Variants in PEX13 observed in about 807,000 individuals in gnomAD.
PEX13 encodes the protein peroxisomal biogenesis factor 13, also known as peroxisome biogenesis factor 13.
In PEX13, 28 loss-of-function variants were observed where a neutral mutation model predicts 34.5. The observed-to-expected ratio is 0.81, with a 90% CI of 0.60 to 1.11. The LOEUF (loss-of-function observed/expected upper bound fraction) is 1.11. Ranked by LOEUF, PEX13 falls within the 50% of genes most tolerant of loss-of-function variation. The probability of loss-of-function intolerance (pLI) is 0.00; values close to 1 mark genes in which losing one functional copy is unlikely to be tolerated. For missense variants in PEX13, 550 were observed against 491.0 expected (o/e 1.12, Z -1.13); for synonymous variants, 177 against 175.1 (o/e 1.01, Z -0.09).
chr2:61,044,406 A>G (rs1322820408), intron 2 of PEX13, among the ~76,000 whole-genome samples: 4 of 152,110 alleles, frequency 2.6e-5, no homozygotes, highest in Non-Finnish European at 4.4e-5. Flanking sequence ...GTGCCACCAC[A>G]TCTGCCTAAT....
At chr2:61,019,594 AT>A (rs572105090) in intron 1 of PEX13, among the ~76,000 whole-genome samples, 129 of 151,718 alleles carry the variant, frequency 8.5e-4, no homozygotes, top group Admixed American at 1.7e-3. Flanking sequence ...TAAAAATCTA[AT>A]TTTTTTTTCC....
Position 61,048,602 on chromosome 2 carries a change from T to C in PEX13, c.1044T>C (p.Val348=), listed in dbSNP as rs151304822. 2.0e-4 allele frequency: 323 copies of C among 1,614,154 alleles called. 2 individuals carry two copies. The African/African-American group carries it at 3.0e-3, about 15-fold the overall frequency. ...GGAAAACGGTGGAATCAAGTAAAGT[T>C]TCCAAGCAGCAACAATCTTTTACCA... ...KGRKTVESSK[V]SKQQQSFTNP... Residue 348 remains valine (V), a synonymous_variant, in exon 4 of 4, where the codon GTT becomes GTC. Coordinates refer to ENST00000295030, the MANE Select transcript of PEX13 (RefSeq NM_002618.4).
intron 1 of PEX13, among the ~76,000 whole-genome samples, chr2:61,028,958 G>A (rs1680404217): frequency 1.3e-5 from 2 of 152,136 alleles, no homozygotes; most frequent in Admixed American, 1.3e-4. Flanking sequence ...AGAAGTGGAA[G>A]GATTGCTTGA....
At chr2:61,036,716 A>G (rs1422135506) in intron 2 of PEX13, among the ~76,000 whole-genome samples, 1 of 152,216 alleles carries the variant, frequency 6.6e-6, no homozygotes, top group Non-Finnish European at 1.5e-5. Context: ...AACTGCATCA[A>G]TTAACGGGCA....
At chr2:61,023,442 C>G (rs564655812) in intron 1 of PEX13, among the ~76,000 whole-genome samples, 1 of 149,840 alleles carries the variant, frequency 6.7e-6, no homozygotes, top group African/African-American at 2.4e-5. Context: ...TTTTTTTTTT[C>G]TTCCTGCTTA....
chr2:61,030,366 A>T (rs928526533), intron 1 of PEX13, among the ~76,000 whole-genome samples: 3 of 152,182 alleles, frequency 2.0e-5, no homozygotes, highest in African/African-American at 7.2e-5. Flanking sequence ...CAACTGAGAG[A>T]CAAAAAAGCA....
At chr2:61,027,786 T>TA (rs1229752645) in intron 1 of PEX13, among the ~76,000 whole-genome samples, 1 of 152,196 alleles carries the variant, frequency 6.6e-6, no homozygotes, top group African/African-American at 2.4e-5. Flanking sequence ...TTTTCTCTAT[T>TA]ATTGCTTATA....
intron 2 of PEX13, among the ~76,000 whole-genome samples, chr2:61,039,509 A>G (rs1000683394): frequency 3.9e-5 from 6 of 152,234 alleles, no homozygotes; most frequent in Non-Finnish European, 8.8e-5. Context: ...TCCCTATTTA[A>G]TAAATGGTGC....
At chr2:61,030,804 C>T (rs1680437106) in intron 1 of PEX13, among the ~76,000 whole-genome samples, 1 of 152,020 alleles carries the variant, frequency 6.6e-6, no homozygotes, top group South Asian at 2.1e-4. Context: ...TATGAAATGT[C>T]CAGAATAGAC....
chr2:61,051,412 T>C lies in PEX13; in HGVS notation c.*2642T>C, dbSNP rs886056209. 6.6e-6 allele frequency: 1 copy of C among 152,320 alleles called. No individual in the cohort carries two copies. The highest frequency in any genetic ancestry group is 1.5e-5 in the Non-Finnish European group (1 of 68,024). 9.4% of individuals were successfully genotyped at this position (152,320 alleles called of 1,614,324 possible). On this transcript the variant is annotated 3_prime_UTR_variant, in exon 4 of 4. Coordinates refer to ENST00000295030, the MANE Select transcript of PEX13 (RefSeq NM_002618.4). ...AAGAGTACAGCACAAAGTGATAAAA[T>C]AGTGACACTTTTGTAGGGGTGTTTA...
chr2:61,031,887 T>A lies in PEX13; in HGVS notation c.561T>A (p.Thr187=). 6.2e-7 allele frequency: 1 copy of A among 1,613,542 alleles called. No homozygotes were observed. Among genetic ancestry groups the A allele is most frequent in the Non-Finnish European group, 8.5e-7 (1 of 1,179,414 alleles). The stretch of plus-strand genomic sequence containing the variant: ...TTTCAGCTTTTGCATTGGTTAGGAC[T>A]ATACGGTATCTTTACAGACGGCTAC... ...KVFSAFALVR[T]IRYLYRRLQR... Residue 187 remains threonine (T), a synonymous_variant, in exon 2 of 4, where the codon ACT becomes ACA. Transcript: ENST00000295030.
At chr2:61,046,413 C>A (rs1179771796) in intron 3 of PEX13, among the ~76,000 whole-genome samples, 1 of 152,068 alleles carries the variant, frequency 6.6e-6, no homozygotes, top group Non-Finnish European at 1.5e-5. Context: ...TTTCCTTCAC[C>A]CTTCCTGAGT....
At chr2:61,042,244 T>C (rs1680637088) in intron 2 of PEX13, among the ~76,000 whole-genome samples, 1 of 152,234 alleles carries the variant, frequency 6.6e-6, no homozygotes, top group African/African-American at 2.4e-5. Context: ...GCTTTTCCAC[T>C]GTAACAGTGG....
At chr2:61,030,671 CAT>C in intron 1 of PEX13, among the ~76,000 whole-genome samples, 1 of 152,270 alleles carries the variant, frequency 6.6e-6, no homozygotes, top group East Asian at 1.9e-4. Flanking sequence ...TAAACAGAAA[CAT>C]ATAAAATAAG....
intron 2 of PEX13, among the ~76,000 whole-genome samples, chr2:61,044,548 G>A (rs944196330): frequency 6.6e-6 from 1 of 152,082 alleles, no homozygotes; most frequent in Non-Finnish European, 1.5e-5. Flanking sequence ...CACCATGCCC[G>A]GCTAATTTTG....
At chr2:61,040,701 C>T (rs1288706122) in intron 2 of PEX13, among the ~76,000 whole-genome samples, 1 of 150,698 alleles carries the variant, frequency 6.6e-6, no homozygotes, top group Admixed American at 6.6e-5. Context: ...CAAACCGGCA[C>T]ACTGTGCACA....
At chr2:61,036,265 C>A (rs1375842079) in intron 2 of PEX13, among the ~76,000 whole-genome samples, 2 of 152,116 alleles carry the variant, frequency 1.3e-5, no homozygotes, top group African/African-American at 4.8e-5. Flanking sequence ...CATTCAAATT[C>A]AGGAAATACA....
chr2:61,023,836 A>G (rs959634592), intron 1 of PEX13, among the ~76,000 whole-genome samples: 6 of 149,072 alleles, frequency 4.0e-5, no homozygotes, highest in African/African-American at 1.5e-4. Flanking sequence ...TCACTCTGTC[A>G]CCAGGCTGGA....
Position 61,027,914 on chromosome 2 carries a change from T to A in PEX13, c.93-3505T>A, listed in dbSNP as rs538603192. The stretch of plus-strand genomic sequence containing the variant: ...TCAGATCCAATAAAAGAAAAAAAAA[T>A]AGAGTTCTAGTAGCTTGTTTATAAT... On this transcript the variant is annotated intron_variant, in intron 1 of 3. Coordinates refer to ENST00000295030, the MANE Select transcript of PEX13 (RefSeq NM_002618.4). 1.9e-4 allele frequency among the ~76,000 whole-genome samples: 29 copies of A among 152,214 alleles called. No individual in the cohort carries two copies. In the South Asian group the frequency reaches 4.1e-3, roughly 22 times the overall value.
Sources: allele counts gnomAD v4.1 joint callset (sites outside exome capture counted in the v4.1 genomes callset), GRCh38; gene constraint gnomAD v4.1.1; transcripts MANE v1.5; gene names NCBI Gene and HGNC (gene_info 2026-07-23, HGNC 2026-07-21).